Variants in IPO13 observed in about 807,000 individuals in gnomAD.
IPO13 encodes the protein importin-13.
IPO13 carries 28 observed loss-of-function variants against 115.5 expected under a neutral mutation model. The ratio of observed to expected loss-of-function variants is 0.24; its 90% CI spans 0.18 to 0.33. The LOEUF (loss-of-function observed/expected upper bound fraction) is 0.33. IPO13 is among the 10% of genes least tolerant of loss of function. The probability of loss-of-function intolerance (pLI) is 1.00; values close to 1 mark genes in which losing one functional copy is unlikely to be tolerated. For missense variants in IPO13, 785 were observed against 1,204.6 expected (o/e 0.65, Z 5.16); for synonymous variants, 414 against 478.9 (o/e 0.86, Z 1.77).
At position 43,958,167 on chromosome 1, in the gene IPO13, G is replaced by C; in HGVS notation, c.1722+9G>C. ...TTGTGGCTGTGTCCCAGGTATGCAG[G>C]GGCCCTGGATGGTGCTGGGCCTCAG... On this transcript the variant is annotated intron_variant, in intron 8 of 19. Transcript: ENST00000372343. This position sits in a 1 kb window ranked among gnomAD's most constrained non-coding sequence, Gnocchi z 6.3. 2 of 1,614,074 alleles carry C rather than the reference G, an allele frequency of 1.2e-6. No individual in the cohort carries two copies. Among genetic ancestry groups the C allele is most frequent in the Non-Finnish European group, 1.7e-6 (2 of 1,179,952 alleles).
At chr1:43,957,907 G>A in intron 7 of IPO13, 70 bp from the exon 8 acceptor site, 1 of 1,464,890 alleles carries the variant, frequency 6.8e-7, no homozygotes, top group South Asian at 1.2e-5. Context: ...AACTCTGCTT[G>A]CCTCAGAGAC....
Position 43,949,999 on chromosome 1 carries a change from C to T in IPO13, c.667C>T (p.Leu223Phe), listed in dbSNP as rs985064372. 2 of 1,612,956 alleles carry T rather than the reference C, an allele frequency of 1.2e-6. No individual in the cohort carries two copies. Among genetic ancestry groups the T allele is most frequent in the Non-Finnish European group, 1.7e-6 (2 of 1,179,844 alleles). The change falls in exon 2 of 20, where the codon CTC becomes TTC. Residue 223 changes from leucine (L) to phenylalanine (F), a missense_variant. Coordinates refer to ENST00000372343, the MANE Select transcript of IPO13 (RefSeq NM_014652.4). ...SSPSCVRQKV[L>F]KCFSSWVQLE... The stretch of plus-strand genomic sequence containing the variant: ...ACCCAGCTGTGTGCGTCAGAAGGTG[C>T]TCAAGTGTTTCTCCAGCTGGGTGCA...
chr1:43,955,216 G>T (rs2085236188), intron 2 of IPO13, among the ~76,000 whole-genome samples: 1 of 151,910 alleles, frequency 6.6e-6, no homozygotes, highest in Admixed American at 6.5e-5. Context: ...GGGTGGAGCG[G>T]ATGGCAGGGA....
At position 43,966,292 on chromosome 1, in the gene IPO13, G is replaced by T; in HGVS notation, c.2398-283G>T. The T allele has an allele frequency of 3.7e-6, 2 of 541,424 alleles. No homozygotes were observed. The highest frequency in any genetic ancestry group is 2.1e-5 in the South Asian group (1 of 48,214). 33.5% of individuals were successfully genotyped at this position (541,424 alleles called of 1,614,324 possible). A position where few individuals can be genotyped will look rare whatever the true frequency, so the allele number is the denominator to read the frequency against. On this transcript the variant is annotated intron_variant, in intron 15 of 19. Coordinates refer to ENST00000372343, the MANE Select transcript of IPO13 (RefSeq NM_014652.4). The surrounding 1 kb of genome is among the most constrained non-coding windows in gnomAD (Gnocchi z 4.1). ...GGCCCTGATGGAGGGGGAGGGAAAG[G>T]TGTCTGGAACCCAAACTTTCTGCAT...
At chr1:43,965,078 G>A (rs1396645815) in intron 15 of IPO13, among the ~76,000 whole-genome samples, 1 of 152,022 alleles carries the variant, frequency 6.6e-6, no homozygotes, top group African/African-American at 2.4e-5. Context: ...GAGCGTGGAC[G>A]TGTGTTGGAG....
chr1:43,949,914 G>C lies in IPO13; in HGVS notation c.582G>C (p.Leu194=). Residue 194 remains leucine, a synonymous_variant, in exon 2 of 20, where the codon CTG becomes CTC. Transcript: ENST00000372343. ...QYRKGLVRTS[L]AVECGAVFPL... is the part of the protein sequence containing the mutation. ...GCAAAGGCCTGGTGCGGACCAGCCT[G>C]GCGGTGGAATGTGGGGCTGTCTTCC... The C allele has an allele frequency of 6.2e-7, 1 of 1,610,356 alleles. No homozygotes were observed. The highest frequency in any genetic ancestry group is 8.5e-7 in the Non-Finnish European group (1 of 1,179,696).
chr1:43,966,280 G>C lies in IPO13; in HGVS notation c.2398-295G>C, dbSNP rs1206185016. On this transcript the variant is annotated intron_variant, in intron 15 of 19. Transcript: ENST00000372343. This position sits in a 1 kb window ranked among gnomAD's most constrained non-coding sequence, Gnocchi z 4.1. ...TGCGAGACATCTGGCCCTGATGGAG[G>C]GGGAGGGAAAGGTGTCTGGAACCCA... is the stretch of plus-strand genomic sequence containing the variant. 3.9e-5 allele frequency: 20 copies of C among 518,372 alleles called. No homozygotes were observed. The highest frequency in any genetic ancestry group is 7.0e-5 in the Non-Finnish European group (20 of 284,974). The allele number at this position is 518,372 out of a possible 1,614,324, so 32.1% of individuals were successfully genotyped here. A position where few individuals can be genotyped will look rare whatever the true frequency, so the allele number is the denominator to read the frequency against.
rs2085266488 is a variant in IPO13 at position 43,958,394 on chromosome 1, G to T, written c.1750-67G>T. 2.9e-5 allele frequency: 46 copies of T among 1,611,262 alleles called. 1 individual carries two copies. The highest frequency in any genetic ancestry group is 3.5e-5 in the Non-Finnish European group (41 of 1,178,426). ...TTCTCTGTTTTTCTTCTCCCAAGAG[G>T]CTCATTTTCCTTCCTACCCCACAAC... On this transcript the variant is annotated intron_variant, in intron 9 of 19. Transcript: ENST00000372343. The surrounding 1 kb of genome is among the most constrained non-coding windows in gnomAD (Gnocchi z 6.3).
intron 14 of IPO13, 135 bp downstream of exon 14, chr1:43,961,397 A>G (rs553012189): frequency 1.3e-6 from 1 of 762,592 alleles, no homozygotes; most frequent in Non-Finnish European, 2.4e-6. Context: ...GAAACCTGTG[A>G]GATCAAGCAC....
rs1249492389 is a variant in IPO13 at position 43,952,018 on chromosome 1, G to A, written c.821+1865G>A. ...GGTAGAGAATATTTTGACTCCTTGA[G>A]TAATGGGAGTTCTTTTGTGGTCTCT... On this transcript the variant is annotated intron_variant, in intron 2 of 19. Coordinates refer to ENST00000372343, the MANE Select transcript of IPO13 (RefSeq NM_014652.4). This position sits in a 1 kb window ranked among gnomAD's most constrained non-coding sequence, Gnocchi z 4.7. Among the ~76,000 whole-genome samples, 8 of 152,194 alleles carry A rather than the reference G, an allele frequency of 5.3e-5. No homozygotes were observed. Among genetic ancestry groups the A allele is most frequent in the Admixed American group, 5.2e-4 (8 of 15,278 alleles).
Position 43,967,155 on chromosome 1 carries a change from T to G in IPO13, c.2613+136T>G. 1 of 1,095,706 alleles carries G rather than the reference T, an allele frequency of 9.1e-7. No homozygotes were observed. The highest frequency in any genetic ancestry group is 1.4e-6 in the Non-Finnish European group (1 of 730,416). 67.9% of individuals were successfully genotyped at this position (1,095,706 alleles called of 1,614,324 possible). On this transcript the variant is annotated intron_variant, in intron 18 of 19. Coordinates refer to ENST00000372343, the MANE Select transcript of IPO13 (RefSeq NM_014652.4). This position sits in a 1 kb window ranked among gnomAD's most constrained non-coding sequence, Gnocchi z 6.1. ...TCTTCTTCAATTAAATGCCTGAAAGTTGTTAGGATTGCTGTGGGGATCAGC... is the reference window on the plus strand; with the variant it reads ...TCTTCTTCAATTAAATGCCTGAAAGGTGTTAGGATTGCTGTGGGGATCAGC...
chr1:43,960,888 A>G lies in IPO13; in HGVS notation c.2122A>G (p.Ile708Val), dbSNP rs761213778. Residue 708 changes from isoleucine (I) to valine (V), a missense_variant, in exon 13 of 20, where the codon ATC becomes GTC. Around this residue, in one of 3 missense-constraint regions of IPO13, gnomAD observed 285 missense variants for 394.8 expected, o/e 0.72. Coordinates refer to ENST00000372343, the MANE Select transcript of IPO13 (RefSeq NM_014652.4). ...CTTTCTTCCCAAGGCGGTGTGCGCT[A>G]TCTTTGAGAAGTCTGTTAAGACGCT... ...DAQVVEAVCA[I>V]FEKSVKTLLD... 1.2e-6 allele frequency: 2 copies of G among 1,614,140 alleles called. No homozygotes were observed. Among genetic ancestry groups the G allele is most frequent in the East Asian group, 4.5e-5 (2 of 44,870 alleles).
intron 15 of IPO13, among the ~76,000 whole-genome samples, chr1:43,964,760 A>G (rs1005042041): frequency 6.6e-6 from 1 of 152,180 alleles, no homozygotes; most frequent in African/African-American, 2.4e-5. Flanking sequence ...AGCAGCTCCA[A>G]AGCGAGGGGC....
chr1:43,962,819 G>C (rs977615194), intron 14 of IPO13, among the ~76,000 whole-genome samples: 2 of 152,228 alleles, frequency 1.3e-5, no homozygotes, highest in Non-Finnish European at 1.5e-5. Flanking sequence ...ACAATAATCA[G>C]CTTTCATGTC....
chr1:43,964,197 C>A (rs1053492626), intron 14 of IPO13, 72 bp from the exon 15 acceptor site: 1 of 1,039,846 alleles, frequency 9.6e-7, no homozygotes, highest in African/African-American at 1.6e-5. Flanking sequence ...GCTCTCAGTC[C>A]CACATAACTA....
intron 15 of IPO13, 100 bp downstream of exon 15, chr1:43,964,421 AT>A (rs1557635344): frequency 1.7e-5 from 17 of 1,004,742 alleles, no homozygotes; most frequent in Admixed American, 2.2e-5. Flanking sequence ...CTGTTGACAA[AT>A]TTTTTTTCTG....
chr1:43,951,749 G>A (rs1158329694), intron 2 of IPO13, among the ~76,000 whole-genome samples: 1 of 152,194 alleles, frequency 6.6e-6, no homozygotes, highest in Admixed American at 6.5e-5. Flanking sequence ...TGGGACCTTT[G>A]GCAGAATTGG....
rs2085249149 is a variant in IPO13, at chr1:43,956,470, G to A, written c.962+10G>A. On this transcript the variant is annotated intron_variant, in intron 3 of 19. Coordinates refer to ENST00000372343, the MANE Select transcript of IPO13 (RefSeq NM_014652.4). The surrounding 1 kb of genome is among the most constrained non-coding windows in gnomAD (Gnocchi z 4.7). ...GCGAGAACCACTCCCGGTAAAGGGT[G>A]GAGCAGCTTGGGGTGGGATAGTAGG... 2 of 1,614,112 alleles carry A rather than the reference G, an allele frequency of 1.2e-6. No individual in the cohort carries two copies. Among genetic ancestry groups the A allele is most frequent in the Non-Finnish European group, 1.7e-6 (2 of 1,180,042 alleles).
At position 43,957,966 on chromosome 1, in the gene IPO13, C is replaced by T. The variant is rs1050190946; in HGVS notation, c.1541-11C>T. The T allele has an allele frequency of 6.2e-7, 1 of 1,613,600 alleles. No homozygotes were observed. The highest frequency in any genetic ancestry group is 8.5e-7 in the Non-Finnish European group (1 of 1,179,616). On this transcript the variant is annotated splice_polypyrimidine_tract_variant and intron_variant, in intron 7 of 19. Transcript: ENST00000372343. Reference sequence around the variant, plus strand: ...GCCTCAAAGATCCTCCTGTCTCCCTCCTTCCTCCAGGAGCTCTGTCTGAAT... The same window carrying T: ...GCCTCAAAGATCCTCCTGTCTCCCTTCTTCCTCCAGGAGCTCTGTCTGAAT...
Sources: gnomAD v4.1 joint callset for allele counts (sites outside exome capture counted in the v4.1 genomes callset) on GRCh38, gnomAD v4.1.1 for gene constraint, gnomAD v4.1.1 regional missense constraint, Gnocchi (gnomAD v3.1) non-coding constraint, MANE v1.5 for transcripts, NCBI Gene and HGNC (gene_info 2026-07-23, HGNC 2026-07-21) for gene names.